CFAP47: variants seen among roughly 807,000 people sequenced by gnomAD.
The protein encoded by CFAP47 is cilia and flagella associated protein 47, also known as cilia- and flagella-associated protein 47.
A neutral mutation model predicts 148.1 loss-of-function variants in CFAP47; 29 were observed. The ratio of observed to expected loss-of-function variants is 0.20; its 90% CI spans 0.15 to 0.27. The LOEUF (loss-of-function observed/expected upper bound fraction) is 0.27. Ranked by LOEUF, CFAP47 falls within the 10% of genes least tolerant of loss-of-function variation. CFAP47 has a pLI of 1.00. For missense variants in CFAP47, 1,872 were observed against 1,697.5 expected (o/e 1.10, Z -1.81); for synonymous variants, 664 against 577.3 (o/e 1.15, Z -2.15).
At chrX:36,094,663 C>T (rs1442915274) in intron 30 of CFAP47, among the ~76,000 whole-genome samples, 3 of 110,563 alleles carry the variant, frequency 2.7e-5, no homozygotes, top group African/African-American at 9.8e-5. Context: ...TTTAAAATGT[C>T]TTGTTTCAGT....
chrX:36,337,198 G>A (rs1263794274), intron 57 of CFAP47, among the ~76,000 whole-genome samples: 1 of 112,326 alleles, frequency 8.9e-6, no homozygotes, highest in Non-Finnish European at 1.9e-5. Context: ...AACCTGAAAT[G>A]TAGACCTATT....
At chrX:36,238,370 G>A (rs962493310) in intron 48 of CFAP47, among the ~76,000 whole-genome samples, 22 of 112,422 alleles carry the variant, frequency 2.0e-4, no homozygotes, top group African/African-American at 7.1e-4. Context: ...GGAGCTGTGT[G>A]TCCATTAAAA....
intron 30 of CFAP47, among the ~76,000 whole-genome samples, chrX:36,086,377 C>T (rs1054945781): frequency 8.1e-5 from 9 of 111,679 alleles, no homozygotes; most frequent in Non-Finnish European, 1.5e-4. Flanking sequence ...TGCTCCTATA[C>T]AATTAAAATG....
chrX:36,169,124 T>C (rs1252241446), intron 39 of CFAP47, among the ~76,000 whole-genome samples: 1 of 111,203 alleles, frequency 9.0e-6, no homozygotes, highest in African/African-American at 3.3e-5. Flanking sequence ...GCATTTCAGA[T>C]GGAAAGTCAG....
At chrX:36,368,334 T>TA (rs1197850218) in intron 62 of CFAP47, among the ~76,000 whole-genome samples, 1 of 111,620 alleles carries the variant, frequency 9.0e-6, no homozygotes. Flanking sequence ...TGAATGGAGG[T>TA]AGATTAGTTA....
intron 49 of CFAP47, among the ~76,000 whole-genome samples, chrX:36,273,060 C>T (rs1940977306): frequency 9.0e-6 from 1 of 111,104 alleles, no homozygotes; most frequent in Admixed American, 9.7e-5. Context: ...TAATTAACTC[C>T]TATGTTTCTT....
Position 35,971,748 on chromosome X carries a change from G to A in CFAP47, c.2133G>A (p.Gln711=). The A allele has an allele frequency of 8.3e-7, 1 of 1,209,625 alleles. No individual in the cohort carries two copies. The highest frequency in any genetic ancestry group is 1.1e-6 in the Non-Finnish European group (1 of 894,412). Residue 711 remains glutamine, a synonymous_variant, in exon 12 of 64, where the codon CAG becomes CAA. Transcript: ENST00000378653. Reference sequence around the variant, plus strand: ...TAACCACCAGGGGTATAGCATCTCAGGAGGAAGAGTCTGTGAGAAGAAAGG... The same window carrying A: ...TAACCACCAGGGGTATAGCATCTCAAGAGGAAGAGTCTGTGAGAAGAAAGG... The part of the protein sequence containing the change: ...RLLTTRGIAS[Q]EEESVRRKVL...
chrX:36,215,882 G>A (rs1242751547), intron 45 of CFAP47, among the ~76,000 whole-genome samples: 1 of 111,686 alleles, frequency 9.0e-6, no homozygotes, highest in Non-Finnish European at 1.9e-5. Context: ...CTCTCCGGGG[G>A]AGGTCAACTA....
At chrX:36,355,655 C>T (rs1941779794) in intron 60 of CFAP47, among the ~76,000 whole-genome samples, 1 of 111,531 alleles carries the variant, frequency 9.0e-6, no homozygotes, top group Admixed American at 9.6e-5. Context: ...TTGAAATACT[C>T]AATCTCATAG....
intron 42 of CFAP47, among the ~76,000 whole-genome samples, chrX:36,191,987 C>T (rs782193671): frequency 3.6e-5 from 4 of 110,277 alleles, no homozygotes; most frequent in Non-Finnish European, 7.6e-5. Flanking sequence ...CTGTCTCAAA[C>T]AACAACAACA....
intron 27 of CFAP47, among the ~76,000 whole-genome samples, chrX:36,066,168 T>C (rs918765057): frequency 9.0e-5 from 10 of 110,670 alleles, no homozygotes; most frequent in Non-Finnish European, 1.7e-4. Flanking sequence ...GCAGGGGAAA[T>C]TGTGAGAGAA....
At chrX:36,310,490 G>C (rs188624194) in intron 55 of CFAP47, among the ~76,000 whole-genome samples, 326 of 92,474 alleles carry the variant, frequency 3.5e-3, no homozygotes, top group African/African-American at 0.016. Flanking sequence ...TGCAGTGTTT[G>C]GTATCAAGTT....
intron 39 of CFAP47, among the ~76,000 whole-genome samples, chrX:36,172,692 T>A (rs1170987727): frequency 9.0e-6 from 1 of 111,604 alleles, no homozygotes; most frequent in Non-Finnish European, 1.9e-5. Context: ...GCTGCTGGAT[T>A]CGGTTTGCCA....
intron 32 of CFAP47, among the ~76,000 whole-genome samples, chrX:36,101,387 C>G (rs6632480): frequency 9.0e-6 from 1 of 111,602 alleles, no homozygotes; most frequent in Non-Finnish European, 1.9e-5. Flanking sequence ...TTCACACTCA[C>G]GTCAGAAATG....
chrX:36,214,930 T>C (rs1940143332), intron 45 of CFAP47, among the ~76,000 whole-genome samples: 1 of 112,134 alleles, frequency 8.9e-6, no homozygotes, highest in Non-Finnish European at 1.9e-5. Flanking sequence ...AATAAATACA[T>C]AAATCAACAA....
intron 26 of CFAP47, among the ~76,000 whole-genome samples, chrX:36,048,704 G>A (rs756738099): frequency 7.2e-5 from 8 of 111,820 alleles, no homozygotes; most frequent in Non-Finnish European, 1.5e-4. Flanking sequence ...GGGGATAGAA[G>A]TTTTATTCAA....
intron 36 of CFAP47, among the ~76,000 whole-genome samples, chrX:36,148,750 T>C (rs1333789693): frequency 1.8e-5 from 2 of 112,058 alleles, no homozygotes; most frequent in African/African-American, 6.5e-5. Flanking sequence ...GTTCCCTTTT[T>C]AAAATTCCCC....
intron 16 of CFAP47, chrX:35,990,141 GT>G (rs1473520249): frequency 1.8e-5 from 2 of 111,709 alleles, no homozygotes; most frequent in African/African-American, 6.5e-5. Context: ...TCATTTGTTT[GT>G]CATTCATATA....
chrX:36,319,269 G>A lies in CFAP47; in HGVS notation c.8405G>A (p.Ser2802Asn). ...DHCWDSFIYESSAFRFSSPSE... is the reference protein window; with the variant it reads ...DHCWDSFIYENSAFRFSSPSE... ...TGCTGGGATAGCTTCATCTATGAGA[G>A]TTCTGCCTTCAGATTTAGTTCTCCG... The change falls in exon 57 of 64, where the codon AGT becomes AAT. Residue 2802 changes from serine to asparagine, a missense_variant. Ser to Asn is a conservative substitution (Grantham distance 46). Coordinates refer to ENST00000378653, the MANE Select transcript of CFAP47 (RefSeq NM_001304548.2). 1.8e-6 allele frequency: 2 copies of A among 1,119,955 alleles called. No individual in the cohort carries two copies. Among genetic ancestry groups the A allele is most frequent in the Non-Finnish European group, 2.4e-6 (2 of 839,609 alleles). The allele number at this position is 1,119,955 out of a possible 1,213,427, so 92.3% of individuals were successfully genotyped here. A position where few individuals can be genotyped will look rare whatever the true frequency, so the allele number is the denominator to read the frequency against.
Sources: gnomAD v4.1 joint callset for allele counts (sites outside exome capture counted in the v4.1 genomes callset) on GRCh38, gnomAD v4.1.1 for gene constraint, MANE v1.5 for transcripts, NCBI Gene and HGNC (gene_info 2026-07-23, HGNC 2026-07-21) for gene names.